Variants in IFT88 observed in about 807,000 individuals in gnomAD.
IFT88 encodes intraflagellar transport protein 88 homolog.
A neutral mutation model predicts 119.5 loss-of-function variants in IFT88; 74 were observed. That is an observed-to-expected ratio of 0.62 (90% CI 0.51 to 0.75). The LOEUF (loss-of-function observed/expected upper bound fraction) is 0.75, where lower values mean the gene tolerates loss of function less well. IFT88 is among the 30% of genes least tolerant of loss of function. The pLI, the probability that IFT88 is intolerant of heterozygous loss-of-function variation, is 0.00. For synonymous variants in IFT88, 279 were observed against 316.7 expected (o/e 0.88, Z 1.26); for missense variants, 961 against 977.7 (o/e 0.98, Z 0.23).
chr13:20,586,588 A>C (rs1049935828), intron 3 of IFT88, among the ~76,000 whole-genome samples: 12 of 152,124 alleles, frequency 7.9e-5, no homozygotes, highest in African/African-American at 2.7e-4. Context: ...TGAATGAGGG[A>C]AGAGAGTGTA....
At chr13:20,690,837 C>A in intron 25 of IFT88, 22 bp downstream of exon 25, 1 of 1,539,354 alleles carries the variant, frequency 6.5e-7, no homozygotes, top group Non-Finnish European at 9.0e-7. Flanking sequence ...CCACCCAGTT[C>A]CTCCAGGCAT....
chr13:20,612,513 T>C (rs1461106387), intron 13 of IFT88, among the ~76,000 whole-genome samples: 3 of 152,220 alleles, frequency 2.0e-5, no homozygotes, highest in South Asian at 4.1e-4. Context: ...ATAAATTATG[T>C]CGTATTTTTA....
chr13:20,659,391 G>A (rs2053418172), intron 22 of IFT88, among the ~76,000 whole-genome samples: 1 of 151,992 alleles, frequency 6.6e-6, no homozygotes, highest in Non-Finnish European at 1.5e-5. Context: ...CTGCTCGGGA[G>A]GCTGAGATGG....
intron 11 of IFT88, 24 bp from the exon 12 acceptor site, chr13:20,601,681 C>A: frequency 6.7e-7 from 1 of 1,484,122 alleles, no homozygotes; most frequent in African/African-American, 1.4e-5. Context: ...AATTTTAAAG[C>A]TAATCCATGT....
chr13:20,623,390 A>C (rs2046824888), intron 14 of IFT88, among the ~76,000 whole-genome samples: 1 of 152,160 alleles, frequency 6.6e-6, no homozygotes, highest in Non-Finnish European at 1.5e-5. Context: ...TTGAATTCAT[A>C]GATTGCTTTG....
At position 20,581,594 on chromosome 13, in the gene IFT88, C is replaced by T. The variant is rs187972817; in HGVS notation, c.91-1363C>T. 1.4e-4 allele frequency among the ~76,000 whole-genome samples: 22 copies of T among 152,242 alleles called. No individual in the cohort carries two copies. The East Asian group carries it at 1.7e-3, about 12-fold the overall frequency. Reference sequence around the variant, plus strand: ...CAAGGATAATTTAGGCTGGGCACAGCGGCTTATGCCTGTAATCCCTTTAGG... The same window carrying T: ...CAAGGATAATTTAGGCTGGGCACAGTGGCTTATGCCTGTAATCCCTTTAGG... On this transcript the variant is annotated intron_variant, in intron 2 of 25. Coordinates refer to ENST00000351808, the MANE Select transcript of IFT88 (RefSeq NM_006531.5).
intron 15 of IFT88, 150 bp downstream of exon 15, chr13:20,625,999 A>G (rs939905503): frequency 1.3e-5 from 5 of 380,534 alleles, no homozygotes; most frequent in Non-Finnish European, 9.1e-6. Flanking sequence ...AATTTTCATT[A>G]AAATAGTTTT....
intron 7 of IFT88, 74 bp from the exon 8 acceptor site, chr13:20,596,076 A>AAAATG: frequency 2.5e-6 from 1 of 398,240 alleles, no homozygotes; most frequent in Non-Finnish European, 4.2e-6. Flanking sequence ...AAAATAAAAT[A>AAAATG]AAATAAAATA....
intron 22 of IFT88, 22 bp from the exon 23 acceptor site, chr13:20,663,476 A>G: frequency 1.2e-6 from 2 of 1,608,826 alleles, no homozygotes; most frequent in Non-Finnish European, 8.5e-7. Flanking sequence ...ATTCTTTCCT[A>G]AATGTATATT....
intron 13 of IFT88, among the ~76,000 whole-genome samples, chr13:20,611,883 G>A (rs1229903508): frequency 2.0e-5 from 3 of 152,296 alleles, no homozygotes. Context: ...TGGGATTACA[G>A]GCATGAGCCA....
At chr13:20,632,722 A>T (rs2048385145) in intron 16 of IFT88, among the ~76,000 whole-genome samples, 1 of 152,200 alleles carries the variant, frequency 6.6e-6, no homozygotes, top group Non-Finnish European at 1.5e-5. Context: ...ATTGTATTTT[A>T]ATGGTTTATA....
intron 24 of IFT88, among the ~76,000 whole-genome samples, chr13:20,685,553 G>A (rs2057817235): frequency 6.6e-6 from 1 of 152,182 alleles, no homozygotes; most frequent in African/African-American, 2.4e-5. Context: ...GGAATGTTTG[G>A]AAATATTCAT....
At chr13:20,627,534 C>A (rs1185853445) in intron 15 of IFT88, among the ~76,000 whole-genome samples, 2 of 151,576 alleles carry the variant, frequency 1.3e-5, no homozygotes, top group East Asian at 3.9e-4. Flanking sequence ...GTTTTGAGAC[C>A]AGCCTAACCA....
intron 1 of IFT88, among the ~76,000 whole-genome samples, chr13:20,569,400 C>T (rs929521066): frequency 1.3e-5 from 2 of 150,988 alleles, no homozygotes; most frequent in Admixed American, 6.6e-5. Context: ...GGTGAAACCC[C>T]GTCTCTACTA....
At position 20,663,527 on chromosome 13, in the gene IFT88, G is replaced by C. The variant is rs769528440; in HGVS notation, c.2098G>C (p.Asp700His). The C allele has an allele frequency of 6.2e-7, 1 of 1,613,914 alleles. No individual in the cohort carries two copies. The highest frequency in any genetic ancestry group is 8.5e-7 in the Non-Finnish European group (1 of 1,179,946). ...CLRFLVRLCT[D>H]LGLKDAQEYA... ...GCGTTTCTTAGTTCGTCTCTGCACA[G>C]ATCTTGGATTAAAAGATGCTCAAGA... is the stretch of plus-strand genomic sequence containing the variant. Residue 700 changes from aspartate (D) to histidine (H), a missense_variant, in exon 23 of 26, where the codon GAT (aspartate) becomes CAT (histidine). Asp to His is a moderately conservative substitution (Grantham distance 81). Transcript: ENST00000351808.
intron 24 of IFT88, among the ~76,000 whole-genome samples, chr13:20,671,860 A>G (rs957252682): frequency 2.0e-5 from 3 of 152,188 alleles, no homozygotes; most frequent in Non-Finnish European, 4.4e-5. Flanking sequence ...GCATTCTGTC[A>G]TATCTGTTTG....
intron 13 of IFT88, chr13:20,612,437 A>G (rs2044728088): frequency 6.6e-6 from 1 of 152,236 alleles, no homozygotes; most frequent in African/African-American, 2.4e-5. Flanking sequence ...GAATAAATTT[A>G]ATGAAAGAAA....
chr13:20,641,240 A>G lies in IFT88; in HGVS notation c.1574-50A>G, dbSNP rs7332496. 7.3e-4 allele frequency: 671 copies of G among 922,518 alleles called. 1 individual carries two copies. In the African/African-American group the frequency reaches 9.4e-3, roughly 13 times the overall value. 57.1% of individuals were successfully genotyped at this position (922,518 alleles called of 1,614,324 possible). A position where few individuals can be genotyped will look rare whatever the true frequency, so the allele number is the denominator to read the frequency against. ...TTATTCTGTTATGTTAAATAAATTAATACCAATAATGATACTTATAGATTT... is the reference window on the plus strand; with the variant it reads ...TTATTCTGTTATGTTAAATAAATTAGTACCAATAATGATACTTATAGATTT... On this transcript the variant is annotated intron_variant, in intron 17 of 25. Coordinates refer to ENST00000351808, the MANE Select transcript of IFT88 (RefSeq NM_006531.5).
chr13:20,570,600 C>G (rs976688580), intron 1 of IFT88, among the ~76,000 whole-genome samples: 3 of 152,226 alleles, frequency 2.0e-5, no homozygotes, highest in Admixed American at 1.3e-4. Context: ...GTGAAAGAGA[C>G]CAGACACAAA....
Sources: allele counts gnomAD v4.1 joint callset (sites outside exome capture counted in the v4.1 genomes callset), GRCh38; gene constraint gnomAD v4.1.1; transcripts MANE v1.5; gene names NCBI Gene and HGNC (gene_info 2026-07-23, HGNC 2026-07-21).